SIPA1L2: variants seen among roughly 807,000 people sequenced by gnomAD.
SIPA1L2 encodes the protein signal induced proliferation associated 1 like 2.
In SIPA1L2, 56 loss-of-function variants were observed where a neutral mutation model predicts 163.9. That is an observed-to-expected ratio of 0.34 (90% CI 0.28 to 0.43). SIPA1L2 has a LOEUF of 0.43. Ranked by LOEUF, SIPA1L2 falls within the 20% of genes least tolerant of loss-of-function variation. The pLI, the probability that SIPA1L2 is intolerant of heterozygous loss-of-function variation, is 1.00. For synonymous variants in SIPA1L2, 877 were observed against 865.7 expected, an observed-to-expected ratio of 1.01 and a Z score of -0.23; for missense variants, 1,974 against 2,193.5, an observed-to-expected ratio of 0.90 and a Z score of 2.00.
At chr1:232,441,496 G>A in intron 13 of SIPA1L2, 102 bp from the exon 14 acceptor site, 4 of 995,426 alleles carry the variant, frequency 4.0e-6, no homozygotes, top group Non-Finnish European at 6.2e-6. Flanking sequence ...ACATGAACAG[G>A]CTTGTGGTTC....
At chr1:232,434,119 G>A (rs751966595) in intron 15 of SIPA1L2, among the ~76,000 whole-genome samples, 1 of 152,162 alleles carries the variant, frequency 6.6e-6, no homozygotes, top group African/African-American at 2.4e-5. Flanking sequence ...GGGTTCCCGC[G>A]GTAGCAAGCT....
At chr1:232,605,107 G>T (rs542539987) in intron 1 of SIPA1L2, among the ~76,000 whole-genome samples, 185 of 152,214 alleles carry the variant, frequency 1.2e-3, no homozygotes, top group South Asian at 2.9e-3. Context: ...TGACCTCCTG[G>T]GCTCAAGTGA....
At chr1:232,444,303 T>G (rs894884892) in intron 11 of SIPA1L2, among the ~76,000 whole-genome samples, 1 of 152,218 alleles carries the variant, frequency 6.6e-6, no homozygotes, top group East Asian at 1.9e-4. Flanking sequence ...TAAGTAAATT[T>G]TAATTTAATA....
At chr1:232,562,810 G>C (rs1049132586) in intron 2 of SIPA1L2, among the ~76,000 whole-genome samples, 2 of 152,168 alleles carry the variant, frequency 1.3e-5, no homozygotes, top group East Asian at 1.9e-4. Context: ...ACAAAAAAAT[G>C]CTTCACGTGT....
chr1:232,439,072 C>T, intron 15 of SIPA1L2, 36 bp downstream of exon 15: 2 of 1,549,002 alleles, frequency 1.3e-6, no homozygotes, highest in Non-Finnish European at 1.7e-6. Context: ...CCAGGTGGCA[C>T]CAGCAGGTAC....
At chr1:232,499,278 C>T (rs1271436352) in intron 3 of SIPA1L2, among the ~76,000 whole-genome samples, 1 of 152,176 alleles carries the variant, frequency 6.6e-6, no homozygotes, top group Non-Finnish European at 1.5e-5. Flanking sequence ...AAAGCTAGGC[C>T]TCTTGAACCA....
intron 10 of SIPA1L2, among the ~76,000 whole-genome samples, chr1:232,453,683 A>G (rs1354362216): frequency 2.0e-5 from 3 of 151,584 alleles, no homozygotes; most frequent in Non-Finnish European, 4.4e-5. Flanking sequence ...AATCAGAGAT[A>G]GGGTTCACAA....
chr1:232,514,514 T>C lies in SIPA1L2; in HGVS notation c.826A>G (p.Lys276Glu). 6.2e-7 allele frequency: 1 copy of C among 1,614,218 alleles called. No homozygotes were observed. Among genetic ancestry groups the C allele is most frequent in the Non-Finnish European group, 8.5e-7 (1 of 1,180,038 alleles). The part of the protein sequence containing the change: ...SALLMGRDRD[K>E]PFKRRLKSES... ...GATTTCAACCTCCGTTTGAAAGGCT[T>C]GTCCCTGTCTCTCCCCATCAGGAGG... The change falls in exon 3 of 23, where the codon AAG becomes GAG. Residue 276 changes from lysine (K) to glutamate (E), a missense_variant. By Grantham distance (56) the Lys-to-Glu change is moderately conservative. Coordinates refer to ENST00000674635, the MANE Select transcript of SIPA1L2 (RefSeq NM_020808.5).
chr1:232,503,321 A>G (rs1666571914), intron 3 of SIPA1L2, among the ~76,000 whole-genome samples: 1 of 152,230 alleles, frequency 6.6e-6, no homozygotes, highest in Non-Finnish European at 1.5e-5. Context: ...AAAGAAATAA[A>G]TAATAATTTT....
At chr1:232,572,781 T>TA (rs1558277988) in intron 2 of SIPA1L2, among the ~76,000 whole-genome samples, 119 of 50,218 alleles carry the variant, frequency 2.4e-3, no homozygotes, top group South Asian at 5.3e-3. Flanking sequence ...ATATATATAT[T>TA]TATTTATTTA....
At chr1:232,507,792 G>A (rs569574199) in intron 3 of SIPA1L2, among the ~76,000 whole-genome samples, 3 of 152,278 alleles carry the variant, frequency 2.0e-5, no homozygotes, top group South Asian at 2.1e-4. Flanking sequence ...TGCAGATAAC[G>A]ATAATTGATA....
chr1:232,603,945 G>A (rs1479108785), intron 1 of SIPA1L2, among the ~76,000 whole-genome samples: 1 of 152,088 alleles, frequency 6.6e-6, no homozygotes, highest in African/African-American at 2.4e-5. Context: ...GAAGTGAAGC[G>A]AGCAGGGAAT....
At chr1:232,451,182 C>G (rs1370364080) in intron 10 of SIPA1L2, among the ~76,000 whole-genome samples, 2 of 152,156 alleles carry the variant, frequency 1.3e-5, no homozygotes, top group Non-Finnish European at 2.9e-5. Flanking sequence ...AAACTCAGTT[C>G]CGTTCCATAT....
chr1:232,486,316 T>C (rs1665646198), intron 5 of SIPA1L2, among the ~76,000 whole-genome samples: 3 of 152,302 alleles, frequency 2.0e-5, no homozygotes, highest in Non-Finnish European at 1.5e-5. Flanking sequence ...ACAACTGAAA[T>C]TTCATGAGAC....
At chr1:232,626,367 T>A (rs755863793) in intron 1 of SIPA1L2, among the ~76,000 whole-genome samples, 27 of 151,984 alleles carry the variant, frequency 1.8e-4, no homozygotes, top group Non-Finnish European at 2.9e-4. Context: ...TTTTCTTCCT[T>A]CCTACCACCC....
chr1:232,465,269 A>C lies in SIPA1L2; in HGVS notation c.2391T>G (p.Phe797Leu). 1 of 1,614,168 alleles carries C rather than the reference A, an allele frequency of 6.2e-7. No individual in the cohort carries two copies. Among genetic ancestry groups the C allele is most frequent in the Non-Finnish European group, 8.5e-7 (1 of 1,180,024 alleles). Residue 797 changes from phenylalanine (F) to leucine (L), a missense_variant, in exon 9 of 23, where the codon TTT (phenylalanine) becomes TTG (leucine). Coordinates refer to ENST00000674635, the MANE Select transcript of SIPA1L2 (RefSeq NM_020808.5). This position sits in a 1 kb window ranked among gnomAD's most constrained non-coding sequence, Gnocchi z 4.1. ...GCCTCGTTCGAGTGGCCATTGCTCG[A>C]AACTTTTCTGATTTATGGGCTGCAT... The part of the protein sequence containing the change: ...AENAAHKSEK[F>L]RAMATRTRQE...
intron 1 of SIPA1L2, among the ~76,000 whole-genome samples, chr1:232,576,561 C>A (rs1660088256): frequency 1.3e-5 from 2 of 152,166 alleles, no homozygotes; most frequent in African/African-American, 4.8e-5. Context: ...AATAACCATA[C>A]AACAGCCTCT....
chr1:232,463,559 G>A (rs538655102), intron 9 of SIPA1L2, among the ~76,000 whole-genome samples: 3 of 152,158 alleles, frequency 2.0e-5, no homozygotes, highest in East Asian at 1.9e-4. Context: ...GGAGTCCATC[G>A]AATAGCAAAT....
chr1:232,519,730 G>A (rs896492180), intron 2 of SIPA1L2, among the ~76,000 whole-genome samples: 7 of 152,154 alleles, frequency 4.6e-5, no homozygotes, highest in Admixed American at 1.3e-4. Context: ...GCTATGAAAC[G>A]AAATATTAAA....
Sources: gnomAD v4.1 joint callset for allele counts (sites outside exome capture counted in the v4.1 genomes callset) on GRCh38, gnomAD v4.1.1 for gene constraint, Gnocchi (gnomAD v3.1) non-coding constraint, MANE v1.5 for transcripts, NCBI Gene and HGNC (gene_info 2026-07-23, HGNC 2026-07-21) for gene names.